RBFOX1: variants seen among roughly 807,000 people sequenced by gnomAD.
RBFOX1 encodes RNA binding protein fox-1 homolog 1.
Under a neutral mutation model 57.7 loss-of-function variants are expected in RBFOX1, and 8 were observed. The observed-to-expected ratio is 0.14, with a 90% CI of 0.08 to 0.25. The LOEUF (loss-of-function observed/expected upper bound fraction) is 0.25, where lower values mean the gene tolerates loss of function less well. Among genes scored for constraint, RBFOX1 ranks in the 10% least tolerant of loss-of-function variants. The pLI is 1.00. For synonymous variants in RBFOX1, 326 were observed against 222.4 expected (o/e 1.47, Z -4.15); for missense variants, 611 against 548.5 (o/e 1.11, Z -1.14).
intron 3 of RBFOX1, among the ~76,000 whole-genome samples, chr16:6,892,336 G>C (rs1219115663): frequency 2.0e-5 from 3 of 152,094 alleles, no homozygotes; most frequent in South Asian, 2.1e-4. Flanking sequence ...CATTTGAAAA[G>C]GGGGTTATTT....
chr16:5,515,667 G>A (rs1334024011), intron 2 of RBFOX1, among the ~76,000 whole-genome samples: 1 of 152,182 alleles, frequency 6.6e-6, no homozygotes. Flanking sequence ...TTAATCTAAG[G>A]TTATTCTCAT....
intron 1 of RBFOX1, among the ~76,000 whole-genome samples, chr16:6,031,044 A>G (rs746627123): frequency 2.0e-5 from 3 of 152,230 alleles, no homozygotes; most frequent in Non-Finnish European, 4.4e-5. Flanking sequence ...ACCCGTTATC[A>G]TAAGTATTAA....
chr16:7,566,698 T>G (rs536653856), intron 5 of RBFOX1, among the ~76,000 whole-genome samples: 1 of 152,244 alleles, frequency 6.6e-6, no homozygotes, highest in African/African-American at 2.4e-5. Flanking sequence ...AGTTTCACAT[T>G]TTGCTTATAA....
intron 1 of RBFOX1, among the ~76,000 whole-genome samples, chr16:5,410,930 C>G (rs1160525910): frequency 1.3e-5 from 2 of 152,236 alleles, no homozygotes; most frequent in Non-Finnish European, 2.9e-5. Flanking sequence ...TTGTTTTCAT[C>G]TCTAACTGGG....
intron 1 of RBFOX1, among the ~76,000 whole-genome samples, chr16:6,077,751 C>G (rs965982428): frequency 1.3e-5 from 2 of 148,446 alleles, no homozygotes; most frequent in Admixed American, 1.3e-4. Flanking sequence ...GGGTCTTGCT[C>G]TGTCACCCAG....
intron 3 of RBFOX1, among the ~76,000 whole-genome samples, chr16:6,692,843 AC>A (rs1487176402): frequency 1.3e-5 from 2 of 151,950 alleles, no homozygotes; most frequent in Non-Finnish European, 2.9e-5. Flanking sequence ...TTCATCCACT[AC>A]CATCACCACC....
chr16:7,521,321 C>T (rs575978718), intron 5 of RBFOX1, among the ~76,000 whole-genome samples: 1 of 152,268 alleles, frequency 6.6e-6, no homozygotes, highest in African/African-American at 2.4e-5. Context: ...TGACATCCTA[C>T]AGACCTGGTG....
intron 3 of RBFOX1, among the ~76,000 whole-genome samples, chr16:6,708,757 G>A (rs1159821241): frequency 2.6e-5 from 4 of 152,106 alleles, no homozygotes; most frequent in East Asian, 3.9e-4. Context: ...GCGTCCCTTC[G>A]ACTGGCTGTG....
intron 3 of RBFOX1, among the ~76,000 whole-genome samples, chr16:5,729,031 A>C (rs1272692544): frequency 1.3e-5 from 2 of 152,176 alleles, no homozygotes; most frequent in Non-Finnish European, 2.9e-5. Flanking sequence ...AAATCATCCC[A>C]ATACTCTCAG....
chr16:7,539,762 C>T (rs1044951235), intron 5 of RBFOX1, among the ~76,000 whole-genome samples: 2 of 152,160 alleles, frequency 1.3e-5, no homozygotes, highest in African/African-American at 4.8e-5. Context: ...CTGCCCTCCC[C>T]AGTGAACTTC....
intron 3 of RBFOX1, among the ~76,000 whole-genome samples, chr16:6,737,148 G>T (rs1446190943): frequency 2.6e-5 from 4 of 152,184 alleles, no homozygotes; most frequent in Admixed American, 2.6e-4. Flanking sequence ...AACAACAGAG[G>T]CAAAGCTGTA....
intron 4 of RBFOX1, among the ~76,000 whole-genome samples, chr16:7,427,094 T>C (rs901468576): frequency 5.9e-5 from 9 of 151,946 alleles, no homozygotes; most frequent in African/African-American, 1.9e-4. Flanking sequence ...GTGGGGAACA[T>C]CGTGTGACCG....
At chr16:5,690,379 C>T (rs370385746) in intron 3 of RBFOX1, among the ~76,000 whole-genome samples, 6 of 152,266 alleles carry the variant, frequency 3.9e-5, no homozygotes, top group African/African-American at 9.6e-5. Flanking sequence ...TTTGGGCCAC[C>T]GTCTACCCAT....
intron 3 of RBFOX1, among the ~76,000 whole-genome samples, chr16:6,933,374 A>G (rs1047074558): frequency 2.6e-5 from 4 of 152,192 alleles, no homozygotes; most frequent in African/African-American, 7.2e-5. Flanking sequence ...AAGGGTTCCA[A>G]TCTGTCCACA....
intron 3 of RBFOX1, among the ~76,000 whole-genome samples, chr16:5,858,841 C>T (rs541083720): frequency 2.0e-5 from 3 of 152,252 alleles, no homozygotes; most frequent in East Asian, 3.9e-4. Context: ...TGAGTCCTGG[C>T]GGCTCAGTGG....
At chr16:5,318,331 A>G (rs1192859445) in intron 1 of RBFOX1, among the ~76,000 whole-genome samples, 4 of 151,958 alleles carry the variant, frequency 2.6e-5, no homozygotes, top group Non-Finnish European at 4.4e-5. Context: ...GTTTTGCCAT[A>G]TCGGCCAGGC....
At chr16:6,253,132 C>T (rs981131007) in intron 1 of RBFOX1, among the ~76,000 whole-genome samples, 1 of 152,134 alleles carries the variant, frequency 6.6e-6, no homozygotes, top group African/African-American at 2.4e-5. Flanking sequence ...ACACTTACAT[C>T]TCTAATGAAT....
intron 3 of RBFOX1, among the ~76,000 whole-genome samples, chr16:7,019,362 C>G (rs1449010035): frequency 5.9e-5 from 9 of 151,884 alleles, no homozygotes; most frequent in Non-Finnish European, 1.5e-5. Flanking sequence ...GACCTTTTAG[C>G]TGAGATTCAT....
At chr16:6,761,938 T>C (rs2076669568) in intron 3 of RBFOX1, among the ~76,000 whole-genome samples, 1 of 152,144 alleles carries the variant, frequency 6.6e-6, no homozygotes, top group African/African-American at 2.4e-5. Flanking sequence ...TGATCATTTA[T>C]CTCTGACATT....
Sources: gnomAD v4.1 joint callset for allele counts (sites outside exome capture counted in the v4.1 genomes callset) on GRCh38, gnomAD v4.1.1 for gene constraint, MANE v1.5 for transcripts, NCBI Gene and HGNC (gene_info 2026-07-23, HGNC 2026-07-21) for gene names.